GRIN2A: variants seen among roughly 807,000 people sequenced by gnomAD.
The protein encoded by GRIN2A is glutamate receptor ionotropic, NMDA 2A.
A neutral mutation model predicts 113.4 loss-of-function variants in GRIN2A; 22 were observed. The ratio of observed to expected loss-of-function variants is 0.19; its 90% CI spans 0.14 to 0.28. The LOEUF (loss-of-function observed/expected upper bound fraction) is 0.28, where lower values mean the gene tolerates loss of function less well. Ranked by LOEUF, GRIN2A falls within the 10% of genes least tolerant of loss-of-function variation. The probability of loss-of-function intolerance (pLI) is 1.00; values close to 1 mark genes in which losing one functional copy is unlikely to be tolerated. For synonymous variants in GRIN2A, 827 were observed against 738.4 expected, an observed-to-expected ratio of 1.12 and a Z score of -1.94; for missense variants, 1,502 against 1,887.0, an observed-to-expected ratio of 0.80 and a Z score of 3.78.
At chr16:9,890,902 C>G (rs140081987) in intron 4 of GRIN2A, 84 bp downstream of exon 4, 1 of 857,176 alleles carries the variant, frequency 1.2e-6, no homozygotes, top group Admixed American at 1.7e-5. Context: ...ACAGGAAATG[C>G]GTGGGAGAAA....
chr16:10,150,016 CAG>C (rs2049534611), intron 2 of GRIN2A, among the ~76,000 whole-genome samples: 1 of 152,178 alleles, frequency 6.6e-6, no homozygotes, highest in Non-Finnish European at 1.5e-5. Flanking sequence ...AAGTGGCAGA[CAG>C]AAAATGGAAG....
intron 2 of GRIN2A, among the ~76,000 whole-genome samples, chr16:10,178,451 C>G (rs2050194213): frequency 6.6e-6 from 1 of 152,180 alleles, no homozygotes; most frequent in African/African-American, 2.4e-5. Context: ...ATGGCTCAGT[C>G]ACTTCATCTG....
At chr16:9,957,939 A>G (rs552673353) in intron 2 of GRIN2A, among the ~76,000 whole-genome samples, 5 of 152,264 alleles carry the variant, frequency 3.3e-5, no homozygotes, top group Admixed American at 1.3e-4. Flanking sequence ...GGCTTCCCCA[A>G]AGAACACGGT....
At chr16:10,046,329 T>G (rs773768810) in intron 2 of GRIN2A, among the ~76,000 whole-genome samples, 2 of 33,334 alleles carry the variant, frequency 6.0e-5, no homozygotes, top group Non-Finnish European at 1.1e-4. Context: ...TTTTAAATTG[T>G]TTTTTTTTTT....
At chr16:9,938,734 T>G (rs1356842625) in intron 2 of GRIN2A, among the ~76,000 whole-genome samples, 183 bp from the exon 3 acceptor site, 2 of 152,192 alleles carry the variant, frequency 1.3e-5, no homozygotes, top group Non-Finnish European at 2.9e-5. Flanking sequence ...CAGAAGCCCC[T>G]GTACTCAGGA....
chr16:10,097,385 C>T (rs534674356), intron 2 of GRIN2A, among the ~76,000 whole-genome samples: 1 of 152,276 alleles, frequency 6.6e-6, no homozygotes, highest in South Asian at 2.1e-4. Context: ...GGGCTTCTTC[C>T]CTGTGAAATC....
chr16:9,790,811 ATTCATTCATTTG>A (rs1334822863), intron 11 of GRIN2A, among the ~76,000 whole-genome samples: 1 of 152,218 alleles, frequency 6.6e-6, no homozygotes, highest in Admixed American at 6.5e-5. Context: ...GTATTTTCTA[ATTCATTCATTTG>A]TTCATTCATT....
intron 2 of GRIN2A, among the ~76,000 whole-genome samples, chr16:10,101,573 A>AG (rs56755833): frequency 0.5 from 75,998 of 151,924 alleles, 19,174 homozygotes; most frequent in South Asian, 0.55. Context: ...GGGGTCATTT[A>AG]GGTGGTGATG....
chr16:10,132,126 AT>A (rs888894621), intron 2 of GRIN2A, among the ~76,000 whole-genome samples: 4 of 151,978 alleles, frequency 2.6e-5, no homozygotes, highest in African/African-American at 9.7e-5. Context: ...GAAGTCAGGA[AT>A]TCAAGGCCAG....
At chr16:10,055,046 T>TAAAAAAAAAA (rs1567266287) in intron 2 of GRIN2A, among the ~76,000 whole-genome samples, 14 of 12,488 alleles carry the variant, frequency 1.1e-3, no homozygotes, top group South Asian at 5.0e-3. Context: ...AGACTCTATC[T>TAAAAAAAAAA]CAAAAAAAAA....
chr16:9,951,620 G>A (rs911776192), intron 2 of GRIN2A, among the ~76,000 whole-genome samples: 1 of 152,160 alleles, frequency 6.6e-6, no homozygotes. Context: ...GAGCACAAAT[G>A]GAATTAGGAG....
At position 9,938,568 on chromosome 16, in the gene GRIN2A, A is replaced by T. The variant is rs1458345673; in HGVS notation, c.415-17T>A. ...CGTCGGATCCTGCCAGTGAAAAGAA[A>T]GTAAAACAGAGGATGAGGCAGGAGG... On this transcript the variant is annotated splice_polypyrimidine_tract_variant and intron_variant, in intron 2 of 12. Coordinates refer to ENST00000330684, the MANE Select transcript of GRIN2A (RefSeq NM_001134407.3). The T allele has an allele frequency of 6.3e-7, 1 of 1,577,812 alleles. No individual in the cohort carries two copies. The highest frequency in any genetic ancestry group is 8.6e-7 in the Non-Finnish European group (1 of 1,159,390).
At chr16:10,003,544 G>A (rs1567228677) in intron 2 of GRIN2A, among the ~76,000 whole-genome samples, 1 of 152,178 alleles carries the variant, frequency 6.6e-6, no homozygotes. Flanking sequence ...AGAACACAGT[G>A]GGAGTATACC....
chr16:10,064,815 A>G (rs1022339938), intron 2 of GRIN2A, among the ~76,000 whole-genome samples: 6 of 152,164 alleles, frequency 3.9e-5, no homozygotes, highest in Non-Finnish European at 1.5e-5. Flanking sequence ...GGACTAGACT[A>G]TGGGGAAATC....
At chr16:10,040,017 AC>A (rs2047125874) in intron 2 of GRIN2A, among the ~76,000 whole-genome samples, 1 of 506 alleles carries the variant, frequency 2.0e-3, no homozygotes, top group Non-Finnish European at 4.3e-3. Flanking sequence ...ACATCCACAC[AC>A]CACACACAAA....
chr16:9,824,907 G>A (rs924486048), intron 9 of GRIN2A, among the ~76,000 whole-genome samples: 1 of 151,942 alleles, frequency 6.6e-6, no homozygotes, highest in African/African-American at 2.4e-5. Context: ...TAAGTCCCAG[G>A]GTCTACATCC....
Position 9,763,190 on chromosome 16 carries a change from G to T in GRIN2A, c.4354C>A (p.Arg1452Ser), listed in dbSNP as rs568622613. 6.2e-6 allele frequency: 10 copies of T among 1,613,650 alleles called. No individual in the cohort carries two copies. The highest frequency in any genetic ancestry group is 8.5e-6 in the Non-Finnish European group (10 of 1,179,604). The change falls in exon 13 of 13, where the codon CGC (arginine) becomes AGC (serine). Residue 1452 changes from arginine to serine, a missense_variant. Around this residue, in one of 7 missense-constraint regions of GRIN2A, gnomAD observed 832 missense variants for 789.7 expected, o/e 1.05. Coordinates refer to ENST00000330684, the MANE Select transcript of GRIN2A (RefSeq NM_001134407.3). ...PRVLNSCSNR[R>S]VYKKMPSIES... ...ATACTAGGCATTTTCTTGTACACGCGTCTATTGCTGCAGGAATTTAAAACC... is the reference window on the plus strand; with the variant it reads ...ATACTAGGCATTTTCTTGTACACGCTTCTATTGCTGCAGGAATTTAAAACC...
intron 2 of GRIN2A, among the ~76,000 whole-genome samples, chr16:10,058,021 A>C (rs951060231): frequency 1.2e-4 from 19 of 152,290 alleles, no homozygotes; most frequent in Non-Finnish European, 2.5e-4. Context: ...CTGGGAAGCC[A>C]AGGAGGGTGG....
chr16:10,068,333 A>C lies in GRIN2A; in HGVS notation c.414+111665T>G, dbSNP rs9926982. Among the ~76,000 whole-genome samples, 647 of 152,344 alleles carry C rather than the reference A, an allele frequency of 4.2e-3. 5 individuals carry two copies. The highest frequency in any genetic ancestry group is 0.014 in the African/African-American group (594 of 41,580). On this transcript the variant is annotated intron_variant, in intron 2 of 12. Coordinates refer to ENST00000330684, the MANE Select transcript of GRIN2A (RefSeq NM_001134407.3). Reference sequence around the variant, plus strand: ...AAGAAAAGACGTTTAATTGGCTCACAGTTCTGCAGGCTTTACAGGAAACAT... The same window carrying C: ...AAGAAAAGACGTTTAATTGGCTCACCGTTCTGCAGGCTTTACAGGAAACAT...
Sources: gnomAD v4.1 joint callset for allele counts (sites outside exome capture counted in the v4.1 genomes callset) on GRCh38, gnomAD v4.1.1 for gene constraint, gnomAD v4.1.1 regional missense constraint, MANE v1.5 for transcripts, NCBI Gene and HGNC (gene_info 2026-07-23, HGNC 2026-07-21) for gene names.